The following NPHP4 variants were observed in gnomAD, a reference collection of about 807,000 sequenced individuals.
The protein encoded by NPHP4 is nephrocystin-4.
A neutral mutation model predicts 155.8 loss-of-function variants in NPHP4; 151 were observed. That is an observed-to-expected ratio of 0.97 (90% CI 0.85 to 1.11). The LOEUF is 1.11. Ranked by LOEUF, NPHP4 falls within the 50% of genes least tolerant of loss-of-function variation. The pLI, the probability that NPHP4 is intolerant of heterozygous loss-of-function variation, is 0.00. For synonymous variants in NPHP4, 845 were observed against 816.8 expected, an observed-to-expected ratio of 1.03 and a Z score of -0.59; for missense variants, 1,956 against 1,925.7, an observed-to-expected ratio of 1.02 and a Z score of -0.29.
At chr1:5,921,446 C>T (rs1054464281) in intron 11 of NPHP4, among the ~76,000 whole-genome samples, 3 of 152,338 alleles carry the variant, frequency 2.0e-5, no homozygotes, top group East Asian at 1.9e-4. Context: ...ATTCTTCCCA[C>T]GGTGGTAAGA....
intron 9 of NPHP4, among the ~76,000 whole-genome samples, chr1:5,942,034 GA>G (rs1349632980): frequency 6.6e-6 from 1 of 151,998 alleles, no homozygotes; most frequent in Non-Finnish European, 1.5e-5. Context: ...CTGCATGGAG[GA>G]AAAAAGGTAA....
chr1:5,887,498 G>C (rs1273995020), intron 17 of NPHP4, 32 bp from the exon 18 acceptor site: 9 of 1,607,950 alleles, frequency 5.6e-6, no homozygotes, highest in African/African-American at 1.3e-5. Flanking sequence ...TCAGAGGCTG[G>C]AGCCGGCCCT....
chr1:5,981,636 T>C (rs185065558), intron 2 of NPHP4, among the ~76,000 whole-genome samples: 9 of 152,318 alleles, frequency 5.9e-5, no homozygotes, highest in Admixed American at 2.0e-4. Context: ...ACAACTAAAA[T>C]TATACAAACT....
At chr1:5,972,082 G>A (rs1308614431) in intron 3 of NPHP4, among the ~76,000 whole-genome samples, 3 of 152,238 alleles carry the variant, frequency 2.0e-5, no homozygotes, top group Non-Finnish European at 2.9e-5. Flanking sequence ...TGAAGAGGCC[G>A]CAGCCGGGCA....
intron 17 of NPHP4, chr1:5,888,511 C>T (rs1643937980): frequency 2.3e-6 from 3 of 1,294,162 alleles, no homozygotes; most frequent in Admixed American, 2.2e-5. Flanking sequence ...AGACCCTGGT[C>T]GCTTTGCCAC....
chr1:5,987,766 C>T (rs1387303598), intron 1 of NPHP4, among the ~76,000 whole-genome samples: 6 of 152,150 alleles, frequency 3.9e-5, no homozygotes, highest in African/African-American at 9.7e-5. Flanking sequence ...GAACACACCG[C>T]TTTTATTATT....
chr1:5,877,217 C>G lies in NPHP4; in HGVS notation c.2693G>C (p.Gly898Ala). Residue 898 changes from glycine to alanine, a missense_variant, in exon 20 of 30, where the codon GGC (glycine) becomes GCC (alanine). Gly to Ala is a moderately conservative substitution (Grantham distance 60). Coordinates refer to ENST00000378156, the MANE Select transcript of NPHP4 (RefSeq NM_015102.5). The stretch of plus-strand genomic sequence containing the variant: ...GCGGCTGACGTCCTGGGGCCCCTTG[C>G]CCTGCCGGGCATGGGTCAGTAGCAT... ...AAMLLTHARQ[G>A]KGPQDVSRES... 6.2e-7 allele frequency: 1 copy of G among 1,607,570 alleles called. No individual in the cohort carries two copies. Among genetic ancestry groups the G allele is most frequent in the South Asian group, 1.1e-5 (1 of 89,982 alleles).
chr1:5,868,887 C>T (rs966868578), intron 23 of NPHP4, among the ~76,000 whole-genome samples: 2 of 145,242 alleles, frequency 1.4e-5, no homozygotes, highest in African/African-American at 5.1e-5. Flanking sequence ...CACACGCACA[C>T]ATATGCACGC....
At chr1:5,962,039 C>T (rs1650434271) in intron 5 of NPHP4, 90 bp from the exon 6 acceptor site, 1 of 985,518 alleles carries the variant, frequency 1.0e-6, no homozygotes, top group African/African-American at 1.6e-5. Context: ...ATGTTAGAAA[C>T]ACCACAAACA....
chr1:5,962,367 A>G (rs991140082), intron 5 of NPHP4, among the ~76,000 whole-genome samples: 3 of 151,838 alleles, frequency 2.0e-5, no homozygotes, highest in African/African-American at 7.3e-5. Flanking sequence ...TTTTAATCCA[A>G]CATAAAATCT....
chr1:5,988,108 CAAG>C (rs1174922845), intron 1 of NPHP4, among the ~76,000 whole-genome samples: 1 of 152,208 alleles, frequency 6.6e-6, no homozygotes, highest in Non-Finnish European at 1.5e-5. Flanking sequence ...CAAAATCCTG[CAAG>C]AAGAAAACAT....
At chr1:5,911,215 C>T (rs1570397037) in intron 11 of NPHP4, among the ~76,000 whole-genome samples, 1 of 152,234 alleles carries the variant, frequency 6.6e-6, no homozygotes, top group East Asian at 1.9e-4. Context: ...TCCCCAGATT[C>T]CCTGAGTGCC....
chr1:5,927,010 T>A (rs2101660002), intron 11 of NPHP4, among the ~76,000 whole-genome samples: 1 of 152,280 alleles, frequency 6.6e-6, no homozygotes, highest in East Asian at 1.9e-4. Context: ...CGCCCCTCAC[T>A]TCAGTATAGG....
At chr1:5,901,014 G>A (rs984326715) in intron 16 of NPHP4, among the ~76,000 whole-genome samples, 6 of 151,724 alleles carry the variant, frequency 4.0e-5, no homozygotes, top group African/African-American at 1.5e-4. Flanking sequence ...CAGCCTGGGT[G>A]ACAGAGTAAG....
At chr1:5,904,146 T>C (rs765961303) in intron 16 of NPHP4, among the ~76,000 whole-genome samples, 2 of 152,188 alleles carry the variant, frequency 1.3e-5, no homozygotes, top group Non-Finnish European at 2.9e-5. Flanking sequence ...ACAGGTACGG[T>C]GGCAGCAACT....
chr1:5,932,863 G>A (rs1402878501), intron 10 of NPHP4, among the ~76,000 whole-genome samples: 1 of 152,060 alleles, frequency 6.6e-6, no homozygotes, highest in Admixed American at 6.5e-5. Flanking sequence ...AAACGTGCAC[G>A]CCACACAGGT....
Position 5,910,885 on chromosome 1 carries a change from G to A in NPHP4, c.1442-1672C>T, listed in dbSNP as rs894623041. 4.6e-5 allele frequency among the ~76,000 whole-genome samples: 7 copies of A among 152,200 alleles called. No individual in the cohort carries two copies. Among genetic ancestry groups the A allele is most frequent in the African/African-American group, 7.2e-5 (3 of 41,448 alleles). On this transcript the variant is annotated intron_variant, in intron 11 of 29. Transcript: ENST00000378156. The surrounding 1 kb of genome is among the most constrained non-coding windows in gnomAD (Gnocchi z 5.4). ...CTGTGGATGGGTGGAAGGCATTGGG[G>A]CAAGGCCAGAGGGAGCCCCCAACCC...
intron 16 of NPHP4, among the ~76,000 whole-genome samples, chr1:5,900,422 T>C (rs917895909): frequency 1.3e-5 from 2 of 152,088 alleles, no homozygotes; most frequent in Non-Finnish European, 2.9e-5. Flanking sequence ...ATGGAGGAAC[T>C]AAATGCACAG....
At chr1:5,985,876 G>A (rs986578627) in intron 2 of NPHP4, among the ~76,000 whole-genome samples, 1 of 152,182 alleles carries the variant, frequency 6.6e-6, no homozygotes, top group Non-Finnish European at 1.5e-5. Flanking sequence ...AGAGCTTAGC[G>A]TGGCCCAGCT....
Sources: allele counts gnomAD v4.1 joint callset (sites outside exome capture counted in the v4.1 genomes callset), GRCh38; gene constraint gnomAD v4.1.1; non-coding constraint Gnocchi (gnomAD v3.1); transcripts MANE v1.5; gene names NCBI Gene and HGNC (gene_info 2026-07-23, HGNC 2026-07-21).